The following WDR93 variants were observed in gnomAD, a reference collection of about 807,000 sequenced individuals.
The protein encoded by WDR93 is WD repeat domain 93, also known as WD repeat-containing protein 93.
In WDR93, 73 loss-of-function variants were observed where a neutral mutation model predicts 82.9. The observed-to-expected ratio is 0.88, with a 90% CI of 0.73 to 1.07. The LOEUF is 1.07. Ranked by LOEUF, WDR93 falls within the 50% of genes least tolerant of loss-of-function variation. WDR93 has a pLI of 0.00. For synonymous variants in WDR93, 283 were observed against 300.1 expected, an observed-to-expected ratio of 0.94 and a Z score of 0.59; for missense variants, 738 against 826.0, an observed-to-expected ratio of 0.89 and a Z score of 1.31.
chr15:89,705,615 A>G lies in WDR93; in HGVS notation c.558A>G (p.Glu186=). The G allele has an allele frequency of 6.4e-7, 1 of 1,560,210 alleles. No homozygotes were observed. Among genetic ancestry groups the G allele is most frequent in the Non-Finnish European group, 8.8e-7 (1 of 1,130,676 alleles). The change falls in exon 4 of 17, where the codon GAA becomes GAG. Residue 186 remains glutamate (E), a synonymous_variant. Coordinates refer to ENST00000268130, the MANE Select transcript of WDR93 (RefSeq NM_020212.2). The part of the protein sequence containing the change: ...EGLYLVKAIN[E]VDDTSKQTTC... ...TTTACCTAGTCAAAGCCATCAATGA[A>G]GTGGTGAGTTCCTATTCTTTCACCA...
chr15:89,712,955 C>T (rs1367160341), intron 5 of WDR93, among the ~76,000 whole-genome samples: 1 of 151,990 alleles, frequency 6.6e-6, no homozygotes, highest in East Asian at 1.9e-4. Context: ...TGAAACCCGT[C>T]TCTACTAAAA....
Position 89,729,700 on chromosome 15 carries a change from G to C in WDR93, c.1141G>C (p.Gly381Arg), listed in dbSNP as rs746129927. ...KGPSGMACVL[G>R]IHWTRSHNFF... Reference sequence around the variant, plus strand: ...CCCACCAGGAATGGCCTGTGTCCTTGGTATACACTGGACCAGAAGTCACAA... The same window carrying C: ...CCCACCAGGAATGGCCTGTGTCCTTCGTATACACTGGACCAGAAGTCACAA... The change falls in exon 11 of 17, where the codon GGT becomes CGT. Residue 381 changes from glycine to arginine, a missense_variant. By Grantham distance (125) the Gly-to-Arg change is moderately radical. Transcript: ENST00000268130. 5 of 1,612,624 alleles carry C rather than the reference G, an allele frequency of 3.1e-6. No individual in the cohort carries two copies. The highest frequency in any genetic ancestry group is 4.2e-6 in the Non-Finnish European group (5 of 1,179,778).
chr15:89,715,857 T>G (rs576668454), intron 6 of WDR93, among the ~76,000 whole-genome samples: 25 of 152,348 alleles, frequency 1.6e-4, no homozygotes, highest in African/African-American at 6.0e-4. Flanking sequence ...GTGCTGGGAT[T>G]ACAGGCATGA....
intron 8 of WDR93, among the ~76,000 whole-genome samples, chr15:89,724,432 T>A (rs1966651741): frequency 6.6e-6 from 1 of 151,888 alleles, no homozygotes; most frequent in Non-Finnish European, 1.5e-5. Context: ...CAAAAAGTAC[T>A]TACAATTTTT....
intron 5 of WDR93, among the ~76,000 whole-genome samples, chr15:89,713,997 C>A (rs1966125726): frequency 6.6e-6 from 1 of 152,148 alleles, no homozygotes; most frequent in South Asian, 2.1e-4. Context: ...GGGAGAACAA[C>A]CTTTCCTAGG....
At chr15:89,711,600 T>G (rs1379999191) in intron 4 of WDR93, among the ~76,000 whole-genome samples, 1 of 152,120 alleles carries the variant, frequency 6.6e-6, no homozygotes, top group African/African-American at 2.4e-5. Context: ...TGAGCAGGTT[T>G]CATACTAAGG....
At chr15:89,705,035 G>C (rs1176216332) in intron 3 of WDR93, 1 of 160,786 alleles carries the variant, frequency 6.2e-6, no homozygotes, top group Admixed American at 6.5e-5. Flanking sequence ...TTGTATACTG[G>C]AGCCATTAGG....
chr15:89,737,358 A>G (rs1354607545), intron 14 of WDR93, among the ~76,000 whole-genome samples: 5 of 152,216 alleles, frequency 3.3e-5, no homozygotes, highest in Admixed American at 1.3e-4. Flanking sequence ...CCTGGAGCAG[A>G]CAGCATGTGG....
chr15:89,735,902 C>T (rs1166041134), intron 14 of WDR93, among the ~76,000 whole-genome samples: 1 of 152,068 alleles, frequency 6.6e-6, no homozygotes, highest in Non-Finnish European at 1.5e-5. Flanking sequence ...CTGAGCTGAG[C>T]CAGAGGAGTT....
rs200310312 is a variant in WDR93, at chr15:89,738,029, G to A, written c.1766-12G>A. On this transcript the variant is annotated splice_polypyrimidine_tract_variant and intron_variant, in intron 15 of 16. Coordinates refer to ENST00000268130, the MANE Select transcript of WDR93 (RefSeq NM_020212.2). ...TTGTTACACAGAACATGGTGTTCTT[G>A]TCTCGTCACAGGAGACTATTCACAT... 2.7e-5 allele frequency: 43 copies of A among 1,597,638 alleles called. No homozygotes were observed. The East Asian group carries it at 9.2e-4, about 34-fold the overall frequency.
Position 89,703,118 on chromosome 15 carries a change from C to T in WDR93, c.472C>T (p.Leu158Phe). ...GGCCACAGATTTAGGGAATGAAATACTCATTGCTCCTGTGGATGAAATGGG... is the reference window on the plus strand; with the variant it reads ...GGCCACAGATTTAGGGAATGAAATATTCATTGCTCCTGTGGATGAAATGGG... ...IWATDLGNEILIAPVDEMGII... is the reference protein window; with the variant it reads ...IWATDLGNEIFIAPVDEMGII... Residue 158 changes from leucine to phenylalanine, a missense_variant, in exon 3 of 17, where the codon CTC becomes TTC. Transcript: ENST00000268130. The T allele has an allele frequency of 6.2e-7, 1 of 1,614,140 alleles. No individual in the cohort carries two copies. Among genetic ancestry groups the T allele is most frequent in the Non-Finnish European group, 8.5e-7 (1 of 1,180,010 alleles).
chr15:89,712,984 C>T (rs951478841), intron 5 of WDR93, among the ~76,000 whole-genome samples: 8 of 152,012 alleles, frequency 5.3e-5, no homozygotes, highest in South Asian at 2.1e-4. Flanking sequence ...ATTAGCCAGA[C>T]GTGGTGGTGG....
At chr15:89,698,962 A>G (rs562599334) in intron 1 of WDR93, among the ~76,000 whole-genome samples, 11 of 152,172 alleles carry the variant, frequency 7.2e-5, no homozygotes, top group African/African-American at 2.6e-4. Flanking sequence ...ATCATGGCTC[A>G]CTGCAGCCTT....
chr15:89,738,801 A>G (rs1967421702), intron 16 of WDR93, among the ~76,000 whole-genome samples: 1 of 151,824 alleles, frequency 6.6e-6, no homozygotes, highest in Non-Finnish European at 1.5e-5. Context: ...CATCTTTTTA[A>G]CTTTCTCAAT....
Position 89,737,647 on chromosome 15 carries a change from C to G in WDR93, c.1683C>G (p.Ala561=). The G allele has an allele frequency of 1.9e-6, 3 of 1,614,172 alleles. No homozygotes were observed. Among genetic ancestry groups the G allele is most frequent in the Non-Finnish European group, 2.5e-6 (3 of 1,180,038 alleles). Residue 561 remains alanine, a synonymous_variant, in exon 15 of 17, where the codon GCC becomes GCG. Transcript: ENST00000268130. ...AGCGTGAAATCATCTGTGCCTTTGC[C>G]CCTCCGGGAGCCTTTCCTCTGGAGG... ...VAKREIICAF[A]PPGAFPLEVP...
intron 13 of WDR93, 116 bp from the exon 14 acceptor site, chr15:89,735,374 C>T: frequency 9.7e-7 from 1 of 1,028,078 alleles, no homozygotes. Flanking sequence ...TATGAACAGC[C>T]TCCTCACATA....
chr15:89,728,626 C>A (rs561321289), intron 9 of WDR93, among the ~76,000 whole-genome samples: 1 of 152,286 alleles, frequency 6.6e-6, no homozygotes, highest in Admixed American at 6.5e-5. Context: ...TAAATTGGGG[C>A]CTCTTTTATT....
chr15:89,718,766 T>TTTTG (rs1217425958), intron 7 of WDR93, among the ~76,000 whole-genome samples: 3 of 147,736 alleles, frequency 2.0e-5, no homozygotes, highest in Non-Finnish European at 2.9e-5. Flanking sequence ...TGACATGTTT[T>TTTTG]TTTGTTTGTT....
chr15:89,725,664 G>T (rs1966709765), intron 8 of WDR93, among the ~76,000 whole-genome samples: 1 of 150,402 alleles, frequency 6.6e-6, no homozygotes, highest in Admixed American at 6.7e-5. Context: ...TGCTTCCCAA[G>T]CAATCCTCCC....
Sources: gnomAD v4.1 joint callset for allele counts (sites outside exome capture counted in the v4.1 genomes callset) on GRCh38, gnomAD v4.1.1 for gene constraint, MANE v1.5 for transcripts, NCBI Gene and HGNC (gene_info 2026-07-23, HGNC 2026-07-21) for gene names.